ACYP2: variants seen among roughly 807,000 people sequenced by gnomAD.
ACYP2 encodes acylphosphatase 2.
In ACYP2, 12 loss-of-function variants were observed where a neutral mutation model predicts 11.2. The observed-to-expected ratio is 1.08, with a 90% CI of 0.69 to 1.74. ACYP2 has a LOEUF of 1.74. Ranked by LOEUF, ACYP2 falls within the 40% of genes most tolerant of loss-of-function variation. ACYP2 has a pLI of 0.00. For synonymous variants in ACYP2, 43 were observed against 32.2 expected, an observed-to-expected ratio of 1.33 and a Z score of -1.13; for missense variants, 134 against 101.9, an observed-to-expected ratio of 1.31 and a Z score of -1.35.
intron 2 of ACYP2, among the ~76,000 whole-genome samples, chr2:54,012,020 G>C (rs1416991812): frequency 6.6e-6 from 1 of 152,114 alleles, no homozygotes; most frequent in Non-Finnish European, 1.5e-5. Context: ...TGAATCACTT[G>C]AGGTCAGGAG....
intron 6 of ACYP2, among the ~76,000 whole-genome samples, chr2:54,162,268 T>C (rs1000198558): frequency 2.6e-5 from 4 of 152,266 alleles, no homozygotes; most frequent in African/African-American, 9.6e-5. Flanking sequence ...GAGGATATTA[T>C]AGCTGTTGCT....
intron 2 of ACYP2, among the ~76,000 whole-genome samples, chr2:54,050,331 T>A (rs1265588934): frequency 6.6e-6 from 1 of 152,036 alleles, no homozygotes; most frequent in Non-Finnish European, 1.5e-5. Context: ...GTGGATCATG[T>A]GAGGCCAGGA....
intron 6 of ACYP2, among the ~76,000 whole-genome samples, chr2:54,237,829 C>T (rs1468496215): frequency 6.6e-6 from 1 of 152,008 alleles, no homozygotes; most frequent in Admixed American, 6.6e-5. Context: ...TTGAATATGC[C>T]TCTTTCCCAT....
rs202225591 is a variant in ACYP2 at position 54,115,763 on chromosome 2, G to C, written c.278-19690G>C. 9.4e-6 allele frequency: 15 copies of C among 1,601,988 alleles called. No homozygotes were observed. The Admixed American group carries it at 2.2e-4, about 24-fold the overall frequency. On this transcript the variant is annotated intron_variant, in intron 4 of 6. Coordinates refer to ENST00000607452, the MANE Select transcript of ACYP2 (RefSeq NM_001320586.2). ...GTGTTCGGAAGAGTGCAGGGTAGGAGGCCCCTCTACGGTGGGAGATCAAAA... is the reference window on the plus strand; with the variant it reads ...GTGTTCGGAAGAGTGCAGGGTAGGACGCCCCTCTACGGTGGGAGATCAAAA...
chr2:54,042,269 G>T (rs1675273432), intron 2 of ACYP2, among the ~76,000 whole-genome samples: 1 of 152,188 alleles, frequency 6.6e-6, no homozygotes, highest in Non-Finnish European at 1.5e-5. Context: ...GCCTCCCAAA[G>T]TGCTGGGATT....
chr2:54,192,826 G>C (rs1339145641), intron 6 of ACYP2, among the ~76,000 whole-genome samples: 1 of 152,114 alleles, frequency 6.6e-6, no homozygotes, highest in African/African-American at 2.4e-5. Context: ...CAGCAGGAGA[G>C]AGAATGAGTA....
intron 6 of ACYP2, chr2:54,253,955 AG>A (rs1256766756): frequency 2.6e-5 from 4 of 152,210 alleles, no homozygotes; most frequent in African/African-American, 9.6e-5. Context: ...TTTTTTTTAA[AG>A]GAAGACAGAA....
chr2:54,026,497 T>C (rs572714920), intron 2 of ACYP2, among the ~76,000 whole-genome samples: 26 of 152,314 alleles, frequency 1.7e-4, no homozygotes, highest in African/African-American at 6.0e-4. Flanking sequence ...GAAAACAGTA[T>C]GGAGATTCCT....
At chr2:54,231,067 G>A (rs1278582518) in intron 6 of ACYP2, among the ~76,000 whole-genome samples, 1 of 151,998 alleles carries the variant, frequency 6.6e-6, no homozygotes, top group South Asian at 2.1e-4. Flanking sequence ...CTGACCTCAG[G>A]TGATCTGCCT....
chr2:54,278,980 G>C (rs983220155), intron 6 of ACYP2, among the ~76,000 whole-genome samples: 1 of 152,142 alleles, frequency 6.6e-6, no homozygotes, highest in African/African-American at 2.4e-5. Flanking sequence ...TGATGTCTGT[G>C]ATGTACAGTC....
intron 6 of ACYP2, among the ~76,000 whole-genome samples, chr2:54,149,350 A>G (rs1225617154): frequency 6.6e-6 from 1 of 152,146 alleles, no homozygotes; most frequent in Non-Finnish European, 1.5e-5. Flanking sequence ...CACACTGTGG[A>G]TGTGTGTGTT....
At chr2:54,037,259 C>T (rs985614449) in intron 2 of ACYP2, among the ~76,000 whole-genome samples, 11 of 151,664 alleles carry the variant, frequency 7.3e-5, no homozygotes, top group African/African-American at 2.7e-4. Context: ...ATTACAGGCG[C>T]CCACCACCAT....
At chr2:54,021,821 A>C (rs1225853922) in intron 2 of ACYP2, among the ~76,000 whole-genome samples, 1 of 152,246 alleles carries the variant, frequency 6.6e-6, no homozygotes, top group Non-Finnish European at 1.5e-5. Flanking sequence ...ACTGGGTTGT[A>C]CTGGTGTTAA....
In ACYP2 at chr2:53,994,345, A is replaced by C. The variant is rs566732015; in HGVS notation, c.62+20535A>C. Among the ~76,000 whole-genome samples the C allele has an allele frequency of 3.4e-5, 5 of 148,688 alleles. 1 individual carries two copies. The highest frequency in any genetic ancestry group is 2.2e-4 in the South Asian group (1 of 4,630). ...ACTCCGTCTCAAAAAAAAAAAAAAA[A>C]AAAAAAACGAAAAAAAACAAAATAT... On this transcript the variant is annotated intron_variant, in intron 2 of 6. Coordinates refer to ENST00000607452, the MANE Select transcript of ACYP2 (RefSeq NM_001320586.2).
intron 4 of ACYP2, among the ~76,000 whole-genome samples, chr2:54,133,787 A>G (rs903159539): frequency 6.6e-6 from 1 of 152,184 alleles, no homozygotes; most frequent in Admixed American, 6.5e-5. Flanking sequence ...CCATAAATAC[A>G]TATCCCTGAT....
At chr2:53,973,340 G>C (rs902408187) in intron 1 of ACYP2, among the ~76,000 whole-genome samples, 2 of 152,126 alleles carry the variant, frequency 1.3e-5, no homozygotes, top group African/African-American at 4.8e-5. Context: ...AGAGATGAGT[G>C]TCAGGCCTCT....
chr2:53,993,065 G>A (rs531135300), intron 2 of ACYP2, among the ~76,000 whole-genome samples: 22 of 152,178 alleles, frequency 1.4e-4, no homozygotes, highest in Middle Eastern at 3.4e-3. Flanking sequence ...AATTAGCCAG[G>A]TGTGGTGGCA....
At chr2:54,007,899 A>C (rs7571086) in intron 2 of ACYP2, among the ~76,000 whole-genome samples, 82,267 of 151,892 alleles carry the variant, frequency 0.54, 22,560 homozygotes, top group East Asian at 0.71. Context: ...AATGAAAAAA[A>C]AAAGGTGGTT....
At chr2:54,101,712 A>G (rs1313968585) in intron 4 of ACYP2, among the ~76,000 whole-genome samples, 1 of 150,636 alleles carries the variant, frequency 6.6e-6, no homozygotes, top group South Asian at 2.1e-4. Context: ...AGTGTGTGTA[A>G]TCTATCTTTC....
Sources: gnomAD v4.1 joint callset for allele counts (sites outside exome capture counted in the v4.1 genomes callset) on GRCh38, gnomAD v4.1.1 for gene constraint, MANE v1.5 for transcripts, NCBI Gene and HGNC (gene_info 2026-07-23, HGNC 2026-07-21) for gene names.